ZC3H3: variants seen among roughly 807,000 people sequenced by gnomAD.
ZC3H3 encodes the protein zinc finger CCCH-type containing 3.
Under a neutral mutation model 77.3 loss-of-function variants are expected in ZC3H3, and 36 were observed. The ratio of observed to expected loss-of-function variants is 0.47; its 90% CI spans 0.36 to 0.61. ZC3H3 has a LOEUF of 0.61. Ranked by LOEUF, ZC3H3 falls within the 20% of genes least tolerant of loss-of-function variation. The probability of loss-of-function intolerance (pLI) is 0.00; values close to 1 mark genes in which losing one functional copy is unlikely to be tolerated. For missense variants in ZC3H3, 1,331 were observed against 1,312.2 expected (o/e 1.01, Z -0.22); for synonymous variants, 626 against 555.2 (o/e 1.13, Z -1.79).
At chr8:143,459,871 A>G (rs1820212559) in intron 9 of ZC3H3, among the ~76,000 whole-genome samples, 1 of 152,204 alleles carries the variant, frequency 6.6e-6, no homozygotes, top group Admixed American at 6.5e-5. Context: ...TTCAATGGTG[A>G]AAAATGAAAG....
chr8:143,470,128 C>T (rs1820523340), intron 5 of ZC3H3, among the ~76,000 whole-genome samples: 1 of 152,194 alleles, frequency 6.6e-6, no homozygotes, highest in Non-Finnish European at 1.5e-5. Flanking sequence ...GGCTGGAGCC[C>T]CCCCCACTCC....
In ZC3H3 at chr8:143,465,705, C is replaced by T. The variant is rs538563749; in HGVS notation, c.2307+12G>A. The T allele has an allele frequency of 5.2e-5, 84 of 1,613,478 alleles. No individual in the cohort carries two copies. Among genetic ancestry groups the T allele is most frequent in the Non-Finnish European group, 7.0e-5 (83 of 1,179,870 alleles). ...GGAACCCCGCCCACTCGGGCCCCCA[C>T]AGACCACTCACCTTTGCACCCAGGG... On this transcript the variant is annotated intron_variant, in intron 9 of 11. Coordinates refer to ENST00000262577, the MANE Select transcript of ZC3H3 (RefSeq NM_015117.3).
At chr8:143,453,758 G>T (rs1820045597) in intron 9 of ZC3H3, among the ~76,000 whole-genome samples, 1 of 152,200 alleles carries the variant, frequency 6.6e-6, no homozygotes, top group South Asian at 2.1e-4. Flanking sequence ...TTTGATGACT[G>T]AAATAAAAAT....
chr8:143,453,024 C>T (rs1820026655), intron 9 of ZC3H3, among the ~76,000 whole-genome samples: 1 of 152,136 alleles, frequency 6.6e-6, no homozygotes, highest in Non-Finnish European at 1.5e-5. Flanking sequence ...AGACATCTAC[C>T]CCAGATGTCA....
At chr8:143,467,421 G>A (rs984634748) in intron 8 of ZC3H3, among the ~76,000 whole-genome samples, 2 of 152,196 alleles carry the variant, frequency 1.3e-5, no homozygotes, top group Non-Finnish European at 2.9e-5. Flanking sequence ...TAATGAACCC[G>A]AAACTCGATG....
At chr8:143,512,538 C>T (rs538184598) in intron 3 of ZC3H3, among the ~76,000 whole-genome samples, 2 of 152,244 alleles carry the variant, frequency 1.3e-5, no homozygotes, top group Non-Finnish European at 2.9e-5. Context: ...GCAGCAGCAC[C>T]GACTGGGGAT....
At chr8:143,442,983 C>T (rs1488125015) in intron 9 of ZC3H3, among the ~76,000 whole-genome samples, 2 of 152,188 alleles carry the variant, frequency 1.3e-5, no homozygotes, top group East Asian at 1.9e-4. Flanking sequence ...TCAAAGAGAA[C>T]TTTCTGAGGC....
Position 143,478,658 on chromosome 8 carries a change from T to C in ZC3H3, c.1716-3073A>G, listed in dbSNP as rs1273239404. ...CAGAGTAGCTGGGATTACAGGCATG[T>C]GCCAACACGCCCGGCTAATTTTTGT... On this transcript the variant is annotated intron_variant, in intron 4 of 11. Transcript: ENST00000262577. Among the ~76,000 whole-genome samples, 5 of 152,312 alleles carry C rather than the reference T, an allele frequency of 3.3e-5. No individual in the cohort carries two copies. In the East Asian group the frequency reaches 5.8e-4, roughly 18 times the overall value.
At chr8:143,446,240 G>A (rs1268480634) in intron 9 of ZC3H3, among the ~76,000 whole-genome samples, 1 of 152,202 alleles carries the variant, frequency 6.6e-6, no homozygotes, top group Non-Finnish European at 1.5e-5. Context: ...AGGCAACTGA[G>A]CACAATCTGG....
chr8:143,489,002 CA>C (rs2129959110), intron 4 of ZC3H3, among the ~76,000 whole-genome samples: 1 of 152,374 alleles, frequency 6.6e-6, no homozygotes, highest in South Asian at 2.1e-4. Flanking sequence ...GAAGGGCCAG[CA>C]GTCATGCCCC....
chr8:143,440,256 G>A lies in ZC3H3; in HGVS notation c.2600C>T (p.Pro867Leu), dbSNP rs759842599. The change falls in exon 11 of 12, where the codon CCC becomes CTC. Residue 867 changes from proline (P) to leucine (L), a missense_variant. Transcript: ENST00000262577. The stretch of plus-strand genomic sequence containing the variant: ...GGAGGAGGAAGCCTTCGAGGATGAG[G>A]GAGAGGCTGACCCCCCTGGGCAGTG... Reference protein sequence around the residue: ...PPHCPGGSASPSSSKASSSSS... With the variant: ...PPHCPGGSASLSSSKASSSSS... 4 of 1,595,066 alleles carry A rather than the reference G, an allele frequency of 2.5e-6. No homozygotes were observed. The highest frequency in any genetic ancestry group is 1.9e-4 in the Middle Eastern group (1 of 5,146).
Position 143,475,319 on chromosome 8 carries a change from TA to T in ZC3H3, c.1903+78del, listed in dbSNP as rs371780036. On this transcript the variant is annotated intron_variant, in intron 5 of 11. Transcript: ENST00000262577. ...AGAGCAGCCACAGCATGTTGGAGGT[TA>T]GGGGGTCTGGCCTGCAATGCCCACC... 5 of 1,483,028 alleles carry T rather than the reference TA, an allele frequency of 3.4e-6. No homozygotes were observed. The African/African-American group carries it at 4.2e-5, about 12-fold the overall frequency. The allele number at this position is 1,483,028 out of a possible 1,614,324, so 91.9% of individuals were successfully genotyped here. A position where few individuals can be genotyped will look rare whatever the true frequency, so the allele number is the denominator to read the frequency against.
At chr8:143,522,073 G>A (rs536357406) in intron 3 of ZC3H3, among the ~76,000 whole-genome samples, 4 of 152,344 alleles carry the variant, frequency 2.6e-5, no homozygotes, top group African/African-American at 4.8e-5. Context: ...GTAAGCGTGT[G>A]GCCCAGTGCT....
chr8:143,439,352 T>C (rs1234287422), intron 11 of ZC3H3, among the ~76,000 whole-genome samples: 1 of 152,078 alleles, frequency 6.6e-6, no homozygotes, highest in Non-Finnish European at 1.5e-5. Context: ...GTTACGACCG[T>C]GAAATATGAC....
intron 9 of ZC3H3, among the ~76,000 whole-genome samples, chr8:143,443,496 G>GT (rs1339054240): frequency 6.6e-6 from 1 of 152,092 alleles, no homozygotes; most frequent in Non-Finnish European, 1.5e-5. Flanking sequence ...ATCTGGAAAT[G>GT]TATCACCATC....
At chr8:143,485,829 C>A (rs1030193607) in intron 4 of ZC3H3, among the ~76,000 whole-genome samples, 3 of 152,228 alleles carry the variant, frequency 2.0e-5, no homozygotes, top group African/African-American at 7.2e-5. Flanking sequence ...AAGAAGGGCA[C>A]CACCAGGAGA....
chr8:143,483,628 G>T (rs79792035), intron 4 of ZC3H3, among the ~76,000 whole-genome samples: 1 of 152,130 alleles, frequency 6.6e-6, no homozygotes, highest in Non-Finnish European at 1.5e-5. Flanking sequence ...ACGATCTCAG[G>T]GGCAGGGCTA....
At chr8:143,517,827 C>T (rs146348899) in intron 3 of ZC3H3, among the ~76,000 whole-genome samples, 88 of 152,288 alleles carry the variant, frequency 5.8e-4, no homozygotes, top group African/African-American at 2.0e-3. Context: ...GCTCCCTCCC[C>T]GAATCTCCAG....
chr8:143,536,261 C>G lies in ZC3H3; in HGVS notation c.1557G>C (p.Lys519Asn), dbSNP rs1290509121. ...GCGCCCCTGCTCCCAGCATACCTTCCTTGGTGGGGAGGTGGGCCCGGCTCG... is the reference window on the plus strand; with the variant it reads ...GCGCCCCTGCTCCCAGCATACCTTCGTTGGTGGGGAGGTGGGCCCGGCTCG... Reference protein sequence around the residue: ...LPPSRAHLPTKEASSLHAVRT... With the variant: ...LPPSRAHLPTNEASSLHAVRT... The change falls in exon 3 of 12, where the codon AAG becomes AAC. Residue 519 changes from lysine to asparagine, a missense_variant. Physicochemically the swap from Lys to Asn is moderately conservative, Grantham distance 94. Transcript: ENST00000262577. 6.2e-7 allele frequency: 1 copy of G among 1,610,622 alleles called. No individual in the cohort carries two copies. The highest frequency in any genetic ancestry group is 1.1e-5 in the South Asian group (1 of 90,658).
Sources: gnomAD v4.1 joint callset for allele counts (sites outside exome capture counted in the v4.1 genomes callset) on GRCh38, gnomAD v4.1.1 for gene constraint, MANE v1.5 for transcripts, NCBI Gene and HGNC (gene_info 2026-07-23, HGNC 2026-07-21) for gene names.